Variants in DSCAML1 observed in about 807,000 individuals in gnomAD.
DSCAML1 encodes the protein cell adhesion molecule DSCAML1.
A neutral mutation model predicts 200.5 loss-of-function variants in DSCAML1; 38 were observed. That is an observed-to-expected ratio of 0.19 (90% CI 0.15 to 0.25). The LOEUF (loss-of-function observed/expected upper bound fraction) is 0.25, where lower values mean the gene tolerates loss of function less well. DSCAML1 is among the 10% of genes least tolerant of loss of function. The pLI is 1.00. For missense variants in DSCAML1, 2,223 were observed against 2,858.8 expected, an observed-to-expected ratio of 0.78 and a Z score of 5.07; for synonymous variants, 1,215 against 1,165.0, an observed-to-expected ratio of 1.04 and a Z score of -0.87.
intron 3 of DSCAML1, among the ~76,000 whole-genome samples, chr11:117,602,423 C>T (rs1192099510): frequency 6.6e-6 from 1 of 152,140 alleles, no homozygotes; most frequent in East Asian, 1.9e-4. Context: ...TGCAAAGGTG[C>T]AATCTCAGTT....
At chr11:117,733,323 G>C (rs1389189262) in intron 3 of DSCAML1, among the ~76,000 whole-genome samples, 1 of 152,202 alleles carries the variant, frequency 6.6e-6, no homozygotes, top group East Asian at 1.9e-4. Context: ...GCATGGTCTG[G>C]TAGCGCACTG....
chr11:117,596,499 T>C (rs566217973), intron 3 of DSCAML1, among the ~76,000 whole-genome samples: 85 of 152,176 alleles, frequency 5.6e-4, no homozygotes, highest in African/African-American at 2.0e-3. Flanking sequence ...GGCAATCACA[T>C]ATTTCTATGT....
At chr11:117,428,831 CAG>C (rs1565667626) in intron 32 of DSCAML1, 28 bp from the exon 33 acceptor site, 4 of 1,554,058 alleles carry the variant, frequency 2.6e-6, no homozygotes, top group East Asian at 4.7e-5. Context: ...GAGGATGTTA[CAG>C]AGAGTCATAG....
At chr11:117,576,744 T>C (rs945862546) in intron 3 of DSCAML1, among the ~76,000 whole-genome samples, 3 of 152,154 alleles carry the variant, frequency 2.0e-5, no homozygotes, top group African/African-American at 7.2e-5. Context: ...CTCCTGAGCA[T>C]GTGTTGCTGC....
chr11:117,435,581 G>T (rs533417401), intron 27 of DSCAML1, 63 bp downstream of exon 27: 4 of 1,524,946 alleles, frequency 2.6e-6, no homozygotes, highest in Admixed American at 3.7e-5. Flanking sequence ...CCAGGGAAGG[G>T]GGGGGACAAT....
intron 11 of DSCAML1, among the ~76,000 whole-genome samples, chr11:117,491,757 G>C (rs2049186570): frequency 6.6e-6 from 1 of 152,224 alleles, no homozygotes; most frequent in Non-Finnish European, 1.5e-5. Context: ...CTGTACAACA[G>C]AGTGAGACTC....
At chr11:117,801,819 G>A (rs187459741), upstream of DSCAML1, 7 of 152,378 alleles carry the variant, frequency 4.6e-5, no homozygotes, top group African/African-American at 1.7e-4. Flanking sequence ...TCTCAGCAGT[G>A]ACACCAGGAT....
intron 3 of DSCAML1, among the ~76,000 whole-genome samples, chr11:117,695,315 C>CTTTTTTT (rs753748981): frequency 1.8e-3 from 205 of 116,650 alleles, no homozygotes; most frequent in Non-Finnish European, 2.2e-3. Flanking sequence ...CTTTCTTTTT[C>CTTTTTTT]TTTTTTTTTT....
intron 3 of DSCAML1, among the ~76,000 whole-genome samples, chr11:117,561,719 C>T (rs1893969): frequency 0.26 from 39,169 of 152,206 alleles, 5,444 homozygotes; most frequent in Admixed American, 0.32. Context: ...TACTGAAAAG[C>T]CCTTGGAGGT....
At chr11:117,795,622 G>T (rs1403990141) in intron 1 of DSCAML1, among the ~76,000 whole-genome samples, 1 of 152,150 alleles carries the variant, frequency 6.6e-6, no homozygotes, top group East Asian at 1.9e-4. Context: ...GATTTTTGAG[G>T]CCACCCTTCC....
chr11:117,562,212 G>A (rs1039385432), intron 3 of DSCAML1, among the ~76,000 whole-genome samples: 1 of 152,202 alleles, frequency 6.6e-6, no homozygotes, highest in Non-Finnish European at 1.5e-5. Context: ...CCTGCCATGT[G>A]GAGTCTGAGG....
chr11:117,792,174 C>T (rs1344031190), intron 1 of DSCAML1, among the ~76,000 whole-genome samples: 1 of 152,222 alleles, frequency 6.6e-6, no homozygotes, highest in South Asian at 2.1e-4. Context: ...CTCCACCTCA[C>T]CCCTTAGGCC....
intron 30 of DSCAML1, 45 bp downstream of exon 30, chr11:117,432,307 C>T (rs377436524): frequency 3.2e-6 from 5 of 1,572,654 alleles, no homozygotes; most frequent in Non-Finnish European, 4.3e-6. Flanking sequence ...ATGCCCAAGC[C>T]ACCCCGGTTG....
At chr11:117,616,830 G>A (rs1229619498) in intron 3 of DSCAML1, among the ~76,000 whole-genome samples, 5 of 152,204 alleles carry the variant, frequency 3.3e-5, no homozygotes, top group Admixed American at 1.3e-4. Context: ...CATTAAAAAT[G>A]TTTACTTAAG....
rs1434804107 is a variant in DSCAML1 at position 117,642,137 on chromosome 11, TCCCCAA to T, written c.512-109621_512-109616del. On this transcript the variant is annotated intron_variant, in intron 3 of 32. Transcript: ENST00000651296. The surrounding 1 kb of genome is among the most constrained non-coding windows in gnomAD (Gnocchi z 4.1). The stretch of plus-strand genomic sequence containing the variant: ...CCCTCGAATTATTTCTGGTTTGTAA[TCCCCAA>T]CCCCAACCACACTGGATCATAAAGC... 1.3e-5 allele frequency among the ~76,000 whole-genome samples: 2 copies of T among 152,210 alleles called. No individual in the cohort carries two copies. Among genetic ancestry groups the T allele is most frequent in the South Asian group, 4.2e-4 (2 of 4,816 alleles).
Position 117,439,904 on chromosome 11 carries a change from C to T in DSCAML1, c.3895G>A (p.Val1299Met), listed in dbSNP as rs754145583. ...ACATCTTTCATCCAAGGTGTTGTCA[C>T]GGTGCCCCCAAAGGAGATGATCTTT... is the stretch of plus-strand genomic sequence containing the variant. ...PAKIISFGGT[V>M]TTPWMKDVRL... The change falls in exon 22 of 33, where the codon GTG (valine) becomes ATG (methionine). Residue 1299 changes from valine to methionine, a missense_variant. Coordinates refer to ENST00000651296, the MANE Select transcript of DSCAML1 (RefSeq NM_020693.4). 13 of 1,614,038 alleles carry T rather than the reference C, an allele frequency of 8.1e-6. No individual in the cohort carries two copies. The highest frequency in any genetic ancestry group is 4.0e-5 in the African/African-American group (3 of 74,906).
At chr11:117,430,630 C>T in intron 32 of DSCAML1, 92 bp downstream of exon 32, 1 of 1,432,346 alleles carries the variant, frequency 7.0e-7, no homozygotes, top group Non-Finnish European at 9.3e-7. Flanking sequence ...TGGCATGATC[C>T]TGGTGCTGGC....
At chr11:117,563,882 T>C (rs1432251226) in intron 3 of DSCAML1, among the ~76,000 whole-genome samples, 1 of 151,760 alleles carries the variant, frequency 6.6e-6, no homozygotes. Flanking sequence ...TGAGGAGAAA[T>C]GATGGATGAA....
At chr11:117,646,710 G>A (rs565398522) in intron 3 of DSCAML1, among the ~76,000 whole-genome samples, 2 of 152,204 alleles carry the variant, frequency 1.3e-5, no homozygotes, top group East Asian at 1.9e-4. Context: ...ATTACACCAC[G>A]GAAATCAGTC....
Sources: gnomAD v4.1 joint callset for allele counts (sites outside exome capture counted in the v4.1 genomes callset) on GRCh38, gnomAD v4.1.1 for gene constraint, Gnocchi (gnomAD v3.1) non-coding constraint, MANE v1.5 for transcripts, NCBI Gene and HGNC (gene_info 2026-07-23, HGNC 2026-07-21) for gene names.